The following ATP13A5 variants were observed in gnomAD, a reference collection of about 807,000 sequenced individuals.
ATP13A5 encodes the protein ATPase 13A5.
In ATP13A5, 149 loss-of-function variants were observed where a neutral mutation model predicts 150.2. The observed-to-expected ratio is 0.99, with a 90% CI of 0.87 to 1.14. The LOEUF (loss-of-function observed/expected upper bound fraction) is 1.14. Ranked by LOEUF, ATP13A5 falls within the 50% of genes most tolerant of loss-of-function variation. The pLI is 0.00. For missense variants in ATP13A5, 1,383 were observed against 1,449.3 expected, an observed-to-expected ratio of 0.95 and a Z score of 0.74; for synonymous variants, 497 against 522.2, an observed-to-expected ratio of 0.95 and a Z score of 0.66.
intron 1 of ATP13A5, among the ~76,000 whole-genome samples, chr3:193,375,939 G>C (rs773151994): frequency 7.9e-5 from 12 of 152,192 alleles, no homozygotes; most frequent in Non-Finnish European, 1.3e-4. Flanking sequence ...TTACCACAGT[G>C]ACTCTCACGA....
intron 14 of ATP13A5, among the ~76,000 whole-genome samples, chr3:193,324,187 C>T (rs989067822): frequency 8.5e-5 from 13 of 152,124 alleles, no homozygotes; most frequent in African/African-American, 3.1e-4. Context: ...TGGCAGCCTT[C>T]AGGGTGGGTT....
chr3:193,282,496 C>T (rs1191154348), intron 27 of ATP13A5, among the ~76,000 whole-genome samples: 1 of 152,054 alleles, frequency 6.6e-6, no homozygotes, highest in Non-Finnish European at 1.5e-5. Context: ...CTGCCTCAGC[C>T]TCCCAAGTAG....
intron 26 of ATP13A5, among the ~76,000 whole-genome samples, chr3:193,288,288 C>G (rs1188540692): frequency 6.6e-6 from 1 of 152,108 alleles, no homozygotes; most frequent in Non-Finnish European, 1.5e-5. Flanking sequence ...GGATAAAATG[C>G]TATTAAACAG....
At chr3:193,375,204 T>C (rs1439756130) in intron 1 of ATP13A5, among the ~76,000 whole-genome samples, 2 of 152,164 alleles carry the variant, frequency 1.3e-5, no homozygotes, top group African/African-American at 4.8e-5. Flanking sequence ...ATATAATACC[T>C]ACTGCAGAAG....
chr3:193,286,666 C>T (rs975343423), intron 26 of ATP13A5, among the ~76,000 whole-genome samples: 3 of 152,142 alleles, frequency 2.0e-5, no homozygotes, highest in African/African-American at 7.2e-5. Context: ...ATCTCTCTTC[C>T]TCTCCTGGGG....
intron 1 of ATP13A5, among the ~76,000 whole-genome samples, chr3:193,375,056 T>G (rs1713591344): frequency 6.6e-6 from 1 of 152,212 alleles, no homozygotes; most frequent in African/African-American, 2.4e-5. Flanking sequence ...TCACCCAGTC[T>G]GTGGTCTTCT....
At chr3:193,361,551 C>T (rs765285476) in intron 5 of ATP13A5, among the ~76,000 whole-genome samples, 2 of 152,310 alleles carry the variant, frequency 1.3e-5, no homozygotes, top group Non-Finnish European at 2.9e-5. Flanking sequence ...TAAGCAGACA[C>T]TCTCTCTAAA....
intron 6 of ATP13A5, among the ~76,000 whole-genome samples, chr3:193,352,239 G>T (rs532443557): frequency 3.2e-4 from 49 of 152,228 alleles, no homozygotes; most frequent in African/African-American, 1.0e-3. Flanking sequence ...CATTAAAAAA[G>T]ATTTTGTTCC....
intron 9 of ATP13A5, among the ~76,000 whole-genome samples, chr3:193,339,000 A>C (rs774233306): frequency 2.2e-4 from 34 of 152,154 alleles, no homozygotes; most frequent in Admixed American, 7.9e-4. Flanking sequence ...AATTTCTTCT[A>C]GATTTTCTAG....
chr3:193,321,929 C>G, intron 15 of ATP13A5, 92 bp from the exon 16 acceptor site: 1 of 1,359,588 alleles, frequency 7.4e-7, no homozygotes, highest in Non-Finnish European at 1.0e-6. Flanking sequence ...TGCAATGAGC[C>G]CAGAGACATC....
chr3:193,325,078 C>A, intron 13 of ATP13A5, 64 bp from the exon 14 acceptor site: 1 of 1,525,108 alleles, frequency 6.6e-7, no homozygotes, highest in South Asian at 1.2e-5. Flanking sequence ...TCCCTTAAAT[C>A]TTACTAAAGT....
chr3:193,338,039 T>C (rs1200371209), intron 9 of ATP13A5, among the ~76,000 whole-genome samples: 2 of 152,194 alleles, frequency 1.3e-5, no homozygotes, highest in African/African-American at 2.4e-5. Flanking sequence ...TGTTTGTCTG[T>C]TATGGGTGTA....
intron 14 of ATP13A5, chr3:193,323,589 C>T (rs549556379): frequency 6.6e-6 from 1 of 152,188 alleles, no homozygotes; most frequent in Non-Finnish European, 1.5e-5. Flanking sequence ...TATAAAATGA[C>T]CCTGCACAAC....
chr3:193,292,599 C>T (rs1370919217), intron 25 of ATP13A5, among the ~76,000 whole-genome samples: 1 of 152,182 alleles, frequency 6.6e-6, no homozygotes, highest in Non-Finnish European at 1.5e-5. Flanking sequence ...AATACCAAAT[C>T]TGTCCGTTCA....
intron 26 of ATP13A5, among the ~76,000 whole-genome samples, chr3:193,285,768 A>G (rs1353256603): frequency 2.0e-5 from 3 of 152,172 alleles, no homozygotes; most frequent in African/African-American, 7.2e-5. Flanking sequence ...ATTGCCTTTA[A>G]CTGCGATATA....
At chr3:193,307,910 A>C (rs1718678875) in intron 21 of ATP13A5, among the ~76,000 whole-genome samples, 1 of 152,220 alleles carries the variant, frequency 6.6e-6, no homozygotes. Flanking sequence ...TTGGTGTGCA[A>C]GCACAATACA....
At chr3:193,277,087 C>T (rs2108812069) in intron 28 of ATP13A5, among the ~76,000 whole-genome samples, 1 of 152,156 alleles carries the variant, frequency 6.6e-6, no homozygotes, top group Middle Eastern at 3.4e-3. Context: ...AGAAATGTGC[C>T]CTGAATCACA....
intron 1 of ATP13A5, among the ~76,000 whole-genome samples, chr3:193,373,864 T>C (rs1219247000): frequency 6.6e-6 from 1 of 152,208 alleles, no homozygotes. Context: ...CGAAGCAAAA[T>C]GCACCTTTGT....
chr3:193,361,907 G>A (rs940213713), intron 5 of ATP13A5, among the ~76,000 whole-genome samples: 6 of 152,016 alleles, frequency 3.9e-5, no homozygotes, highest in Admixed American at 1.3e-4. Context: ...ATTATGTATT[G>A]AGCTCCTACC....
Sources: allele counts gnomAD v4.1 joint callset (sites outside exome capture counted in the v4.1 genomes callset), GRCh38; gene constraint gnomAD v4.1.1; transcripts MANE v1.5; gene names NCBI Gene and HGNC (gene_info 2026-07-23, HGNC 2026-07-21).